Variants in SPTB observed in about 807,000 individuals in gnomAD.
The protein encoded by SPTB is spectrin beta, erythrocytic.
A neutral mutation model predicts 256.2 loss-of-function variants in SPTB; 45 were observed. That is an observed-to-expected ratio of 0.18 (90% CI 0.14 to 0.23). SPTB has a LOEUF of 0.23. Among genes scored for constraint, SPTB ranks in the 10% least tolerant of loss-of-function variants. The probability of loss-of-function intolerance (pLI) is 1.00; values close to 1 mark genes in which losing one functional copy is unlikely to be tolerated. For missense variants in SPTB, 2,715 were observed against 3,040.4 expected, an observed-to-expected ratio of 0.89 and a Z score of 2.52; for synonymous variants, 1,231 against 1,243.1, an observed-to-expected ratio of 0.99 and a Z score of 0.21.
Position 64,837,567 on chromosome 14 carries a change from T to A in SPTB, c.-51-14422A>T, listed in dbSNP as rs1594829877. On this transcript the variant is annotated intron_variant, in intron 1 of 35. Coordinates refer to ENST00000644917, the MANE Select transcript of SPTB (RefSeq NM_001355436.2). ...ATGCCAGTCAAAATCCCAGGAGAAC[T>A]TTTTTTGAGAAATCAACAAGCTGAT... Among the ~76,000 whole-genome samples, 13 of 152,268 alleles carry A rather than the reference T, an allele frequency of 8.5e-5. No homozygotes were observed. The East Asian group carries it at 2.3e-3, about 27-fold the overall frequency.
intron 2 of SPTB, among the ~76,000 whole-genome samples, chr14:64,814,154 T>C (rs1277205875): frequency 6.6e-6 from 1 of 152,188 alleles, no homozygotes; most frequent in African/African-American, 2.4e-5. Context: ...GATTTTAAAG[T>C]GGTCAGAAGC....
intron 1 of SPTB, among the ~76,000 whole-genome samples, chr14:64,871,430 T>C (rs1882525615): frequency 6.6e-6 from 1 of 152,234 alleles, no homozygotes; most frequent in African/African-American, 2.4e-5. Flanking sequence ...AGTTTGGATT[T>C]CTACCTCTAC....
intron 1 of SPTB, among the ~76,000 whole-genome samples, chr14:64,831,689 G>A (rs145661280): frequency 2.0e-4 from 30 of 152,340 alleles, no homozygotes; most frequent in African/African-American, 6.3e-4. Context: ...ACATATGCAA[G>A]AATGTTTACT....
At position 64,777,434 on chromosome 14, in the gene SPTB, G is replaced by T. The variant is rs1057073673; in HGVS notation, c.4563+1723C>A. On this transcript the variant is annotated intron_variant, in intron 22 of 35. Transcript: ENST00000644917. The surrounding 1 kb of genome is among the most constrained non-coding windows in gnomAD (Gnocchi z 4.5). ...CTAATTGATCTGAGGTGAGACCTGGGCATTCATCTGTCTAAAAGTTCCCTA... is the reference window on the plus strand; with the variant it reads ...CTAATTGATCTGAGGTGAGACCTGGTCATTCATCTGTCTAAAAGTTCCCTA... Among the ~76,000 whole-genome samples, 10 of 152,128 alleles carry T rather than the reference G, an allele frequency of 6.6e-5. No individual in the cohort carries two copies. Among genetic ancestry groups the T allele is most frequent in the Non-Finnish European group, 1.2e-4 (8 of 68,018 alleles).
chr14:64,878,924 T>C (rs1882964808), intron 1 of SPTB, among the ~76,000 whole-genome samples: 1 of 152,222 alleles, frequency 6.6e-6, no homozygotes, highest in South Asian at 2.1e-4. Flanking sequence ...CTCAAGGCCC[T>C]ACCTGAAGCT....
chr14:64,857,060 A>C (rs970913624), intron 1 of SPTB, among the ~76,000 whole-genome samples: 1 of 152,258 alleles, frequency 6.6e-6, no homozygotes, highest in Non-Finnish European at 1.5e-5. Flanking sequence ...ACTGGACTCC[A>C]AACCAAGTAA....
intron 1 of SPTB, among the ~76,000 whole-genome samples, chr14:64,848,886 T>A (rs2083735228): frequency 6.6e-6 from 1 of 152,230 alleles, no homozygotes. Flanking sequence ...ATCAATTGAC[T>A]TTTAATGAGC....
intron 32 of SPTB, among the ~76,000 whole-genome samples, chr14:64,765,962 GTGTA>G (rs1487135009): frequency 6.6e-6 from 1 of 151,574 alleles, no homozygotes; most frequent in Non-Finnish European, 1.5e-5. Context: ...GTGGATGTGT[GTGTA>G]TGGGGTGTGG....
Position 64,802,354 on chromosome 14 carries a change from G to A in SPTB, c.475-37C>T, listed in dbSNP as rs376178896. ...AGAACAAGAGAGATTTGAAGAGGAT[G>A]TGCATCTGGATCTGTGCTTTCCTGC... On this transcript the variant is annotated intron_variant, in intron 4 of 35. Transcript: ENST00000644917. The surrounding 1 kb of genome is among the most constrained non-coding windows in gnomAD (Gnocchi z 5.1). The A allele has an allele frequency of 1.9e-5, 31 of 1,600,022 alleles. No individual in the cohort carries two copies. Among genetic ancestry groups the A allele is most frequent in the Middle Eastern group, 3.3e-4 (2 of 6,058 alleles).
rs1219501339 is a variant in SPTB, at chr14:64,772,781, C to T, written c.5352G>A (p.Glu1784=). The change falls in exon 26 of 36, where the codon GAG becomes GAA. Residue 1784 remains glutamate (E), a synonymous_variant. Transcript: ENST00000644917. This position sits in a 1 kb window ranked among gnomAD's most constrained non-coding sequence, Gnocchi z 5.4. ...GLNEMWADLL[E]LIDTRMQLLA... Reference sequence around the variant, plus strand: ...GCAGCTGCATGCGCGTGTCAATGAGCTCCAGGAGGTCTGCCCACATCTCGT... The same window carrying T: ...GCAGCTGCATGCGCGTGTCAATGAGTTCCAGGAGGTCTGCCCACATCTCGT... The T allele has an allele frequency of 4.3e-6, 7 of 1,613,902 alleles. No homozygotes were observed. Among genetic ancestry groups the T allele is most frequent in the Non-Finnish European group, 5.9e-6 (7 of 1,180,044 alleles).
At chr14:64,761,713 C>T (rs1195554859) in intron 32 of SPTB, among the ~76,000 whole-genome samples, 1 of 152,218 alleles carries the variant, frequency 6.6e-6, no homozygotes, top group East Asian at 1.9e-4. Flanking sequence ...GCTGTCTTCA[C>T]CATGCCCACC....
intron 9 of SPTB, among the ~76,000 whole-genome samples, chr14:64,798,524 T>A (rs2082820260): frequency 1.3e-5 from 2 of 152,184 alleles, no homozygotes; most frequent in Non-Finnish European, 2.9e-5. Flanking sequence ...GTCCACCCAT[T>A]TCTGCATCCT....
At chr14:64,804,906 C>A (rs762828690) in intron 3 of SPTB, 33 bp downstream of exon 3, 80 of 1,612,994 alleles carry the variant, frequency 5.0e-5, no homozygotes, top group Non-Finnish European at 6.6e-5. Flanking sequence ...GGGCCGATGG[C>A]AGCAGCCCCG....
rs1407045015 is a variant in SPTB, at chr14:64,748,030, G to C, written c.*1276C>G. ...GGAGGGTGGTAGATATTTGACCTCT[G>C]TACTCATGTGACCCCCTCCCCGCCA... On this transcript the variant is annotated 3_prime_UTR_variant, in exon 36 of 36. Transcript: ENST00000644917. 6.6e-6 allele frequency: 1 copy of C among 152,110 alleles called. No individual in the cohort carries two copies. The highest frequency in any genetic ancestry group is 2.4e-5 in the African/African-American group (1 of 41,354). 9.4% of individuals were successfully genotyped at this position (152,110 alleles called of 1,614,324 possible).
chr14:64,787,284 A>C, intron 15 of SPTB, 124 bp from the exon 16 acceptor site: 2 of 1,297,830 alleles, frequency 1.5e-6, no homozygotes, highest in South Asian at 2.7e-5. Flanking sequence ...TTGTATGATA[A>C]AAAGAAAAAA....
intron 1 of SPTB, among the ~76,000 whole-genome samples, chr14:64,834,281 C>A (rs1483439669): frequency 6.6e-6 from 1 of 152,092 alleles, no homozygotes; most frequent in Non-Finnish European, 1.5e-5. Flanking sequence ...CCTGCCTCAG[C>A]CTCCCAAAGT....
rs1022731851 is a variant in SPTB, at chr14:64,791,630, T to G, written c.2804+89A>C. 40 of 1,035,558 alleles carry G rather than the reference T, an allele frequency of 3.9e-5. No homozygotes were observed. The African/African-American group carries it at 5.6e-4, about 14-fold the overall frequency. 64.1% of individuals were successfully genotyped at this position (1,035,558 alleles called of 1,614,324 possible). On this transcript the variant is annotated intron_variant, in intron 15 of 35. Transcript: ENST00000644917. ...AGGGTATAGAAGTGTTGGTGCATAC[T>G]AGGTGGACTAAATTTTGGGCCCGGC...
chr14:64,871,808 C>A (rs185520615), intron 1 of SPTB, among the ~76,000 whole-genome samples: 1 of 152,116 alleles, frequency 6.6e-6, no homozygotes, highest in African/African-American at 2.4e-5. Flanking sequence ...GTTTTAACCA[C>A]GTACATGAGT....
At chr14:64,878,557 G>A (rs1002160980) in intron 1 of SPTB, among the ~76,000 whole-genome samples, 3 of 152,200 alleles carry the variant, frequency 2.0e-5, no homozygotes, top group Non-Finnish European at 4.4e-5. Flanking sequence ...CATCTGTGAA[G>A]CTAAGGATAG....
Sources: allele counts gnomAD v4.1 joint callset (sites outside exome capture counted in the v4.1 genomes callset), GRCh38; gene constraint gnomAD v4.1.1; non-coding constraint Gnocchi (gnomAD v3.1); transcripts MANE v1.5; gene names NCBI Gene and HGNC (gene_info 2026-07-23, HGNC 2026-07-21).